The following TOP2B variants were observed in gnomAD, a reference collection of about 807,000 sequenced individuals.
TOP2B encodes DNA topoisomerase 2-beta.
Under a neutral mutation model 193.5 loss-of-function variants are expected in TOP2B, and 51 were observed. The ratio of observed to expected loss-of-function variants is 0.26; its 90% CI spans 0.21 to 0.33. The LOEUF (loss-of-function observed/expected upper bound fraction) is 0.33. TOP2B is among the 10% of genes least tolerant of loss of function. The probability of loss-of-function intolerance (pLI) is 1.00; values close to 1 mark genes in which losing one functional copy is unlikely to be tolerated. For missense variants in TOP2B, 1,378 were observed against 1,909.3 expected (o/e 0.72, Z 5.19); for synonymous variants, 634 against 635.7 (o/e 1.00, Z 0.04).
At chr3:25,599,572 AATAT>A (rs1702034386) in intron 34 of TOP2B, 43 bp from the exon 35 acceptor site, 1 of 1,551,138 alleles carries the variant, frequency 6.4e-7, no homozygotes, top group Non-Finnish European at 8.8e-7. Flanking sequence ...GGTTAAGTGC[AATAT>A]AAAAAGATAA....
chr3:25,654,487 T>C (rs891016888), intron 1 of TOP2B, among the ~76,000 whole-genome samples: 1 of 152,186 alleles, frequency 6.6e-6, no homozygotes, highest in African/African-American at 2.4e-5. Context: ...GCTTAAAATA[T>C]TGTTAAAATG....
intron 33 of TOP2B, among the ~76,000 whole-genome samples, chr3:25,603,914 G>C (rs1431014015): frequency 6.6e-6 from 1 of 152,190 alleles, no homozygotes; most frequent in African/African-American, 2.4e-5. Context: ...GTGGCAAAGA[G>C]GAAGTCCTCA....
rs778366146 is a variant in TOP2B at position 25,632,745 on chromosome 3, A to G, written c.1076T>C (p.Ile359Thr). Residue 359 changes from isoleucine to threonine, a missense_variant, in exon 9 of 36, where the codon ATT becomes ACT. Physicochemically the swap from Ile to Thr is moderately conservative, Grantham distance 89 (BLOSUM62 -1). Coordinates refer to ENST00000264331, the MANE Select transcript of TOP2B (RefSeq NM_001330700.2). The stretch of plus-strand genomic sequence containing the variant: ...TTTGTTCTTTTTCTTAACTACTTCA[A>G]TCAGTTTACCAACAACTTGATCTAC... ...YVVDQVVGKLIEVVKKKNKAG... is the reference protein window; with the variant it reads ...YVVDQVVGKLTEVVKKKNKAG... 4 of 1,613,332 alleles carry G rather than the reference A, an allele frequency of 2.5e-6. No homozygotes were observed. Among genetic ancestry groups the G allele is most frequent in the South Asian group, 2.2e-5 (2 of 91,060 alleles).
chr3:25,642,268 G>A, intron 4 of TOP2B, 54 bp downstream of exon 4: 1 of 1,063,992 alleles, frequency 9.4e-7, no homozygotes, highest in Non-Finnish European at 1.4e-6. Context: ...CTCATAAATT[G>A]GGGACTATCT....
chr3:25,600,357 G>A (rs967124380), intron 34 of TOP2B, among the ~76,000 whole-genome samples: 5 of 152,194 alleles, frequency 3.3e-5, no homozygotes, highest in African/African-American at 1.2e-4. Flanking sequence ...TTGATCAAAT[G>A]AATCAGGGAA....
rs1305879617 is a variant in TOP2B, at chr3:25,598,158, A to C, written c.*149T>G. On this transcript the variant is annotated 3_prime_UTR_variant, in exon 36 of 36. Coordinates refer to ENST00000264331, the MANE Select transcript of TOP2B (RefSeq NM_001330700.2). ...AGAGCATAAAACTGTATGTGTAAGA[A>C]CAAAATGTTAAAAGGCCTACCACAA... 3 of 772,378 alleles carry C rather than the reference A, an allele frequency of 3.9e-6. No homozygotes were observed. The highest frequency in any genetic ancestry group is 2.1e-5 in the South Asian group (1 of 47,666). The allele number at this position is 772,378 out of a possible 1,614,324, so 47.8% of individuals were successfully genotyped here. A position where few individuals can be genotyped will look rare whatever the true frequency, so the allele number is the denominator to read the frequency against.
intron 1 of TOP2B, among the ~76,000 whole-genome samples, chr3:25,648,306 A>G (rs1278295774): frequency 6.6e-6 from 1 of 152,212 alleles, no homozygotes; most frequent in Non-Finnish European, 1.5e-5. Flanking sequence ...GCAGACAAAG[A>G]CACACCAGAG....
chr3:25,606,460 C>G (rs1043411059), intron 31 of TOP2B, among the ~76,000 whole-genome samples: 1 of 152,044 alleles, frequency 6.6e-6, no homozygotes, highest in African/African-American at 2.4e-5. Context: ...AAACCAAATT[C>G]TACAGTTGAT....
chr3:25,612,186 C>T (rs1019103802), intron 28 of TOP2B, among the ~76,000 whole-genome samples: 3 of 152,134 alleles, frequency 2.0e-5, no homozygotes, highest in African/African-American at 7.2e-5. Flanking sequence ...TCATGATCCG[C>T]CCGCCTCAGC....
intron 4 of TOP2B, among the ~76,000 whole-genome samples, chr3:25,640,231 T>C (rs1227112394): frequency 6.6e-6 from 1 of 152,170 alleles, no homozygotes. Context: ...ATGTTATAGT[T>C]AAAACTCAGA....
At position 25,601,202 on chromosome 3, in the gene TOP2B, G is replaced by T. The variant is rs114586748; in HGVS notation, c.4513C>A (p.Pro1505Thr). 326 of 1,613,472 alleles carry T rather than the reference G, an allele frequency of 2.0e-4. No homozygotes were observed. In the African/African-American group the frequency reaches 2.8e-3, roughly 14 times the overall value. Residue 1505 changes from proline to threonine, a missense_variant, in exon 34 of 36, where the codon CCT becomes ACT. Transcript: ENST00000264331. ...KKGKPSSDTV[P>T]KPKRAPKQKK... ...TGTTTTGGGGCTCTCTTGGGCTTAG[G>T]GACTGTATCTGAAGACGGTTTTCCT...
chr3:25,606,684 T>A (rs1409324096), intron 31 of TOP2B, among the ~76,000 whole-genome samples: 1 of 152,122 alleles, frequency 6.6e-6, no homozygotes, highest in Non-Finnish European at 1.5e-5. Flanking sequence ...AAATCCCAGA[T>A]GTATTCACGC....
Position 25,609,700 on chromosome 3 carries a change from T to C in TOP2B, c.3799A>G (p.Thr1267Ala). The C allele has an allele frequency of 6.7e-7, 1 of 1,497,100 alleles. No individual in the cohort carries two copies. Among genetic ancestry groups the C allele is most frequent in the Non-Finnish European group, 8.9e-7 (1 of 1,129,280 alleles). The allele number at this position is 1,497,100 out of a possible 1,614,324, so 92.7% of individuals were successfully genotyped here. A position where few individuals can be genotyped will look rare whatever the true frequency, so the allele number is the denominator to read the frequency against. ...LLKKKKGDLD[T>A]AAVKVEFDEE... is the part of the protein sequence containing the mutation. The stretch of plus-strand genomic sequence containing the variant: ...TCAAATTCCACTTTTACTGCTGCAG[T>C]ATCAAGATCACCCTACATAATAAAA... Residue 1267 changes from threonine (T) to alanine (A), a missense_variant, in exon 29 of 36, where the codon ACT becomes GCT. Physicochemically the swap from Thr to Ala is moderately conservative, Grantham distance 58 (BLOSUM62 0). Around this residue, in one of 9 missense-constraint regions of TOP2B, gnomAD observed 556 missense variants for 584.2 expected, o/e 0.95. Coordinates refer to ENST00000264331, the MANE Select transcript of TOP2B (RefSeq NM_001330700.2).
At chr3:25,618,098 C>T (rs1474571118) in intron 25 of TOP2B, 4 of 270,326 alleles carry the variant, frequency 1.5e-5, no homozygotes, top group Non-Finnish European at 2.8e-5. Flanking sequence ...TATACATGTA[C>T]CTCACAAAAA....
intron 23 of TOP2B, among the ~76,000 whole-genome samples, 183 bp from the exon 24 acceptor site, chr3:25,619,032 C>A (rs1008562166): frequency 6.6e-6 from 1 of 152,078 alleles, no homozygotes; most frequent in African/African-American, 2.4e-5. Flanking sequence ...GTAAATATTT[C>A]TTTGGTGACT....
At chr3:25,614,046 G>C (rs1702445158) in intron 27 of TOP2B, among the ~76,000 whole-genome samples, 1 of 152,146 alleles carries the variant, frequency 6.6e-6, no homozygotes, top group African/African-American at 2.4e-5. Context: ...ATGATACAGA[G>C]AGACATGAAA....
At chr3:25,604,705 T>G (rs1702191883) in intron 33 of TOP2B, 55 bp downstream of exon 33, 1 of 1,349,202 alleles carries the variant, frequency 7.4e-7, no homozygotes. Context: ...TTACATTTCC[T>G]TTTACATTAA....
At chr3:25,648,542 A>G (rs1397911185) in intron 1 of TOP2B, among the ~76,000 whole-genome samples, 1 of 152,184 alleles carries the variant, frequency 6.6e-6, no homozygotes, top group African/African-American at 2.4e-5. Context: ...AAACAGGGAA[A>G]TACAGCCGAT....
intron 3 of TOP2B, among the ~76,000 whole-genome samples, chr3:25,642,837 C>A (rs1703303047): frequency 6.6e-6 from 1 of 152,050 alleles, no homozygotes; most frequent in Non-Finnish European, 1.5e-5. Context: ...AAGAAAAAGT[C>A]TTTAACACCC....
Sources: allele counts gnomAD v4.1 joint callset (sites outside exome capture counted in the v4.1 genomes callset), GRCh38; gene constraint gnomAD v4.1.1; regional missense constraint gnomAD v4.1.1; transcripts MANE v1.5; gene names NCBI Gene and HGNC (gene_info 2026-07-23, HGNC 2026-07-21).